The following ALDH1A1 variants were observed in gnomAD, a reference collection of about 807,000 sequenced individuals.
ALDH1A1 encodes aldehyde dehydrogenase 1A1.
A neutral mutation model predicts 62.1 loss-of-function variants in ALDH1A1; 19 were observed. The ratio of observed to expected loss-of-function variants is 0.31; its 90% CI spans 0.21 to 0.45. The LOEUF (loss-of-function observed/expected upper bound fraction) is 0.45. Among genes scored for constraint, ALDH1A1 ranks in the 20% least tolerant of loss-of-function variants. ALDH1A1 has a pLI of 1.00. For missense variants in ALDH1A1, 521 were observed against 607.1 expected (o/e 0.86, Z 1.49); for synonymous variants, 231 against 215.9 (o/e 1.07, Z -0.61).
At chr9:72,920,605 T>C (rs1380510274) in intron 7 of ALDH1A1, among the ~76,000 whole-genome samples, 1 of 152,160 alleles carries the variant, frequency 6.6e-6, no homozygotes, top group African/African-American at 2.4e-5. Flanking sequence ...AGAACTAGGA[T>C]GAAGAATGGT....
chr9:72,915,366 T>A (rs1367271465), intron 9 of ALDH1A1, among the ~76,000 whole-genome samples: 1 of 152,138 alleles, frequency 6.6e-6, no homozygotes, highest in East Asian at 1.9e-4. Flanking sequence ...TATTCTCTCC[T>A]CTCTTCAGAT....
At chr9:72,931,901 T>C (rs1830285802) in intron 2 of ALDH1A1, among the ~76,000 whole-genome samples, 1 of 152,226 alleles carries the variant, frequency 6.6e-6, no homozygotes, top group East Asian at 1.9e-4. Context: ...CCACATTCAG[T>C]GTAGCCTCCT....
intron 1 of ALDH1A1, among the ~76,000 whole-genome samples, chr9:72,948,695 G>A (rs1318363195): frequency 6.6e-6 from 1 of 151,872 alleles, no homozygotes; most frequent in Non-Finnish European, 1.5e-5. Flanking sequence ...TCTGATTAAA[G>A]CATTCTCTTA....
At chr9:72,918,031 G>A (rs1326646950) in intron 8 of ALDH1A1, among the ~76,000 whole-genome samples, 1 of 152,146 alleles carries the variant, frequency 6.6e-6, no homozygotes. Flanking sequence ...CTAATTCCAT[G>A]AACCATTTGT....
chr9:72,948,853 C>T (rs989796028), intron 1 of ALDH1A1, among the ~76,000 whole-genome samples: 2 of 151,288 alleles, frequency 1.3e-5, no homozygotes, highest in East Asian at 1.9e-4. Context: ...ATGGGAGAAA[C>T]GAAAAGCAAA....
At chr9:72,925,736 T>C (rs751432901) in intron 5 of ALDH1A1, 124 bp from the exon 6 acceptor site, 26 of 1,109,750 alleles carry the variant, frequency 2.3e-5, no homozygotes, top group African/African-American at 3.2e-5. Flanking sequence ...TGAAATCATC[T>C]GGCATATTAT....
At chr9:72,930,794 T>C in intron 3 of ALDH1A1, 85 bp downstream of exon 3, 2 of 1,530,800 alleles carry the variant, frequency 1.3e-6, no homozygotes, top group South Asian at 1.2e-5. Flanking sequence ...CATATAGTGA[T>C]CCCTAAAATC....
At chr9:72,932,723 C>G (rs532738906) in intron 2 of ALDH1A1, among the ~76,000 whole-genome samples, 63 of 152,252 alleles carry the variant, frequency 4.1e-4, no homozygotes, top group African/African-American at 1.5e-3. Flanking sequence ...GCCACACGTT[C>G]TAACTTTTTC....
chr9:72,920,951 TTA>T (rs1830133040), intron 7 of ALDH1A1, among the ~76,000 whole-genome samples: 1 of 152,176 alleles, frequency 6.6e-6, no homozygotes, highest in Non-Finnish European at 1.5e-5. Context: ...GAGTTCTATT[TTA>T]TATGAATCTA....
chr9:72,935,576 C>T (rs1830337738), intron 2 of ALDH1A1, among the ~76,000 whole-genome samples: 1 of 152,144 alleles, frequency 6.6e-6, no homozygotes, highest in Non-Finnish European at 1.5e-5. Flanking sequence ...CTTTTATCCC[C>T]ACCAATTATT....
At chr9:72,928,594 C>T (rs1830241334) in intron 4 of ALDH1A1, among the ~76,000 whole-genome samples, 1 of 152,114 alleles carries the variant, frequency 6.6e-6, no homozygotes, top group South Asian at 2.1e-4. Flanking sequence ...AAGTTTGGGA[C>T]CTTAGAGAGG....
intron 1 of ALDH1A1, among the ~76,000 whole-genome samples, chr9:72,941,658 T>C (rs945327640): frequency 2.5e-4 from 38 of 152,258 alleles, no homozygotes; most frequent in African/African-American, 8.4e-4. Flanking sequence ...GAATCAAAGA[T>C]CTATAATCCA....
At chr9:72,927,982 T>C (rs1214750813) in intron 4 of ALDH1A1, among the ~76,000 whole-genome samples, 1 of 144,678 alleles carries the variant, frequency 6.9e-6, no homozygotes, top group African/African-American at 2.5e-5. Flanking sequence ...CAGCAAGGAC[T>C]CTCTTCATCA....
chr9:72,901,338 T>C lies in ALDH1A1; in HGVS notation c.1434-58A>G, dbSNP rs1295193735. 6.7e-6 allele frequency: 8 copies of C among 1,192,748 alleles called. No homozygotes were observed. In the Admixed American group the frequency reaches 1.4e-4, roughly 21 times the overall value. The allele number at this position is 1,192,748 out of a possible 1,614,324, so 73.9% of individuals were successfully genotyped here. A position where few individuals can be genotyped will look rare whatever the true frequency, so the allele number is the denominator to read the frequency against. On this transcript the variant is annotated intron_variant, in intron 12 of 12. Coordinates refer to ENST00000297785, the MANE Select transcript of ALDH1A1 (RefSeq NM_000689.5). ...ATTTAGCACAGCAGTATAAATATAC[T>C]GTAGTTCATGTTTGGTACGAGTTTG...
chr9:72,909,143 C>T (rs1333589404), intron 11 of ALDH1A1, among the ~76,000 whole-genome samples: 1 of 138,786 alleles, frequency 7.2e-6, no homozygotes, highest in Non-Finnish European at 1.5e-5. Flanking sequence ...CCCTAAAGTT[C>T]TTCCAATACA....
At position 72,917,123 on chromosome 9, in the gene ALDH1A1, C is replaced by T; in HGVS notation, c.851-19G>A. The T allele has an allele frequency of 1.4e-6, 2 of 1,430,284 alleles. No homozygotes were observed. The highest frequency in any genetic ancestry group is 1.8e-6 in the Non-Finnish European group (2 of 1,088,400). The allele number at this position is 1,430,284 out of a possible 1,614,324, so 88.6% of individuals were successfully genotyped here. A position where few individuals can be genotyped will look rare whatever the true frequency, so the allele number is the denominator to read the frequency against. ...TTGTCCACTGCGAAGAAGACATTCA[C>T]ATTAAAGATATATTTTATAAAAATT... On this transcript the variant is annotated intron_variant, in intron 8 of 12. Coordinates refer to ENST00000297785, the MANE Select transcript of ALDH1A1 (RefSeq NM_000689.5).
At chr9:72,902,730 C>A (rs1829821123) in intron 12 of ALDH1A1, among the ~76,000 whole-genome samples, 1 of 151,818 alleles carries the variant, frequency 6.6e-6, no homozygotes, top group South Asian at 2.1e-4. Flanking sequence ...CTTAGGATTC[C>A]TATGCCTATA....
chr9:72,939,315 T>C lies in ALDH1A1; in HGVS notation c.171+833A>G, dbSNP rs530405441. Among the ~76,000 whole-genome samples the C allele has an allele frequency of 2.6e-5, 4 of 152,250 alleles. No individual in the cohort carries two copies. The South Asian group carries it at 8.3e-4, about 32-fold the overall frequency. On this transcript the variant is annotated intron_variant, in intron 2 of 12. Coordinates refer to ENST00000297785, the MANE Select transcript of ALDH1A1 (RefSeq NM_000689.5). Reference sequence around the variant, plus strand: ...ATTTTCACTAAATAAAAACTGGTTTTTGTTGTTTCTATTATTAGCTGGAAA... The same window carrying C: ...ATTTTCACTAAATAAAAACTGGTTTCTGTTGTTTCTATTATTAGCTGGAAA...
chr9:72,937,615 A>C (rs555225477), intron 2 of ALDH1A1, among the ~76,000 whole-genome samples: 26 of 152,340 alleles, frequency 1.7e-4, no homozygotes, highest in South Asian at 1.0e-3. Flanking sequence ...GACTTGAACT[A>C]GGTCCTGAGG....
Sources: allele counts gnomAD v4.1 joint callset (sites outside exome capture counted in the v4.1 genomes callset), GRCh38; gene constraint gnomAD v4.1.1; transcripts MANE v1.5; gene names NCBI Gene and HGNC (gene_info 2026-07-23, HGNC 2026-07-21).